Variants in SIDT1 observed in about 807,000 individuals in gnomAD.
SIDT1 encodes the protein SID1 transmembrane family member 1.
A neutral mutation model predicts 107.5 loss-of-function variants in SIDT1; 101 were observed. The observed-to-expected ratio is 0.94, with a 90% CI of 0.80 to 1.11. The LOEUF (loss-of-function observed/expected upper bound fraction) is 1.11. SIDT1 is among the 50% of genes least tolerant of loss of function. The pLI, the probability that SIDT1 is intolerant of heterozygous loss-of-function variation, is 0.00. For synonymous variants in SIDT1, 395 were observed against 398.2 expected (o/e 0.99, Z 0.10); for missense variants, 1,076 against 1,058.2 (o/e 1.02, Z -0.23).
intron 3 of SIDT1, 79 bp from the exon 4 acceptor site, chr3:113,576,843 T>C (rs1404846835): frequency 6.2e-6 from 9 of 1,460,356 alleles, no homozygotes; most frequent in African/African-American, 1.4e-5. Flanking sequence ...GGCTTTCTTT[T>C]AAATAAATAA....
chr3:113,567,576 C>T lies in SIDT1; in HGVS notation c.381C>T (p.Arg127=), dbSNP rs1449245922. The T allele has an allele frequency of 6.2e-7, 1 of 1,613,980 alleles. No individual in the cohort carries two copies. Among genetic ancestry groups the T allele is most frequent in the African/African-American group, 1.3e-5 (1 of 75,036 alleles). ...QRSYNYQEVS[R]TLCPSEATNE... Reference sequence around the variant, plus strand: ...GCTACAACTATCAAGAAGTGAGCCGCACCTTATGTCCCTCAGAAGCAACCA... The same window carrying T: ...GCTACAACTATCAAGAAGTGAGCCGTACCTTATGTCCCTCAGAAGCAACCA... The change falls in exon 3 of 25, where the codon CGC becomes CGT. Residue 127 remains arginine (R), a synonymous_variant. Transcript: ENST00000264852.
intron 19 of SIDT1, chr3:113,614,960 C>A: frequency 1.6e-6 from 2 of 1,218,616 alleles, no homozygotes; most frequent in Non-Finnish European, 2.3e-6. Flanking sequence ...TAAAGTCATC[C>A]ATCTTGAGAA....
intron 6 of SIDT1, among the ~76,000 whole-genome samples, chr3:113,582,187 T>C (rs1056695710): frequency 6.6e-6 from 1 of 152,192 alleles, no homozygotes; most frequent in Non-Finnish European, 1.5e-5. Context: ...TCTTATGATA[T>C]TTGTAATTAT....
At chr3:113,541,143 TAC>T (rs34408872) in intron 1 of SIDT1, among the ~76,000 whole-genome samples, 18,815 of 147,134 alleles carry the variant, frequency 0.13, 1,221 homozygotes, top group Non-Finnish European at 0.15. Context: ...TACACACACA[TAC>T]ACACACACAC....
At chr3:113,607,153 G>C (rs780811416) in intron 15 of SIDT1, 39 bp downstream of exon 15, 1 of 1,263,100 alleles carries the variant, frequency 7.9e-7, no homozygotes, top group Non-Finnish European at 1.1e-6. Flanking sequence ...GGCATTTAGA[G>C]ATGCCTTTCT....
chr3:113,568,225 A>G (rs952863608), intron 3 of SIDT1, among the ~76,000 whole-genome samples: 1 of 152,170 alleles, frequency 6.6e-6, no homozygotes, highest in African/African-American at 2.4e-5. Flanking sequence ...CATCAAAAAA[A>G]TAATCATGAG....
At chr3:113,587,070 C>T (rs553526296) in intron 9 of SIDT1, among the ~76,000 whole-genome samples, 16 of 151,958 alleles carry the variant, frequency 1.1e-4, no homozygotes, top group African/African-American at 2.9e-4. Flanking sequence ...TTGCTGAATT[C>T]GATAACTGTA....
chr3:113,595,075 C>G (rs1200015419), intron 10 of SIDT1: 2 of 153,932 alleles, frequency 1.3e-5, no homozygotes, highest in East Asian at 3.8e-4. Context: ...AACAGATTTA[C>G]CTACACATCA....
intron 10 of SIDT1, among the ~76,000 whole-genome samples, chr3:113,595,523 G>A (rs1228740873): frequency 1.3e-5 from 2 of 151,746 alleles, no homozygotes; most frequent in African/African-American, 4.8e-5. Context: ...GGGCTGCAGT[G>A]AGCTGAGATC....
chr3:113,542,000 T>C (rs1282620641), intron 1 of SIDT1, among the ~76,000 whole-genome samples: 2 of 151,486 alleles, frequency 1.3e-5, no homozygotes, highest in Non-Finnish European at 2.9e-5. Flanking sequence ...CTTGACTCAC[T>C]GCAACCTCTG....
chr3:113,559,508 C>G (rs1448762631), intron 1 of SIDT1, among the ~76,000 whole-genome samples: 1 of 151,464 alleles, frequency 6.6e-6, no homozygotes, highest in Admixed American at 6.6e-5. Context: ...GTGGCCCAAT[C>G]TGGGCTCACT....
In SIDT1 at chr3:113,623,625, C is replaced by G; in HGVS notation, c.2199C>G (p.Leu733=). ...CGCATCTGCTTCTCCTCCCACAGCT[C>G]CGCAGCTCTGAAAAGGTCCTCCCAG... ...LYLAFYIIMK[L]RSSEKVLPVP... Residue 733 remains leucine (L), a splice_region_variant and synonymous_variant, in exon 23 of 25, where the codon CTC becomes CTG. Coordinates refer to ENST00000264852, the MANE Select transcript of SIDT1 (RefSeq NM_017699.3). 1 of 1,613,302 alleles carries G rather than the reference C, an allele frequency of 6.2e-7. No homozygotes were observed. The highest frequency in any genetic ancestry group is 8.5e-7 in the Non-Finnish European group (1 of 1,179,290).
At chr3:113,596,707 A>G (rs1287844690) in intron 10 of SIDT1, among the ~76,000 whole-genome samples, 3 of 152,180 alleles carry the variant, frequency 2.0e-5, no homozygotes, top group African/African-American at 7.2e-5. Context: ...ATTTCACATC[A>G]TTGTTAAAGA....
At chr3:113,534,575 AT>A (rs1937881691) in intron 1 of SIDT1, among the ~76,000 whole-genome samples, 2 of 152,198 alleles carry the variant, frequency 1.3e-5, no homozygotes, top group Non-Finnish European at 2.9e-5. Flanking sequence ...CAAACGCCAT[AT>A]ACCCAGCCTC....
intron 1 of SIDT1, among the ~76,000 whole-genome samples, chr3:113,545,875 C>T (rs972267302): frequency 5.9e-5 from 9 of 152,294 alleles, no homozygotes; most frequent in Non-Finnish European, 1.2e-4. Context: ...ATTCTCAAGA[C>T]ATTTTTTATA....
intron 10 of SIDT1, among the ~76,000 whole-genome samples, chr3:113,597,408 A>C (rs568362362): frequency 1.3e-5 from 2 of 150,520 alleles, no homozygotes; most frequent in African/African-American, 4.9e-5. Flanking sequence ...GAGGCAGGGG[A>C]ATCACTTGAA....
intron 6 of SIDT1, among the ~76,000 whole-genome samples, chr3:113,582,412 G>C (rs574665890): frequency 6.6e-6 from 1 of 152,046 alleles, no homozygotes; most frequent in Non-Finnish European, 1.5e-5. Context: ...TTTCTGTCAG[G>C]CTTTAATTTT....
rs376502214 is a variant in SIDT1 at position 113,584,694 on chromosome 3, C to T, written c.836-4C>T. On this transcript the variant is annotated splice_polypyrimidine_tract_variant and splice_region_variant and intron_variant, in intron 7 of 24. Coordinates refer to ENST00000264852, the MANE Select transcript of SIDT1 (RefSeq NM_017699.3). ...TTGTTCTTTTTTTATTTTTTTTAAA[C>T]CAGAAAAGGAAAACCAGACCTGGAA... The T allele has an allele frequency of 1.9e-6, 3 of 1,585,388 alleles. No homozygotes were observed. Among genetic ancestry groups the T allele is most frequent in the Non-Finnish European group, 2.6e-6 (3 of 1,167,742 alleles).
intron 1 of SIDT1, among the ~76,000 whole-genome samples, chr3:113,538,455 G>A (rs1938441957): frequency 6.6e-6 from 1 of 152,152 alleles, no homozygotes; most frequent in South Asian, 2.1e-4. Context: ...TAGTCTGAAT[G>A]GAAATGTGCT....
Sources: allele counts gnomAD v4.1 joint callset (sites outside exome capture counted in the v4.1 genomes callset), GRCh38; gene constraint gnomAD v4.1.1; transcripts MANE v1.5; gene names NCBI Gene and HGNC (gene_info 2026-07-23, HGNC 2026-07-21).